The following CLNK variants were observed in gnomAD, a reference collection of about 807,000 sequenced individuals.
CLNK encodes the protein cytokine-dependent hematopoietic cell linker.
In CLNK, 74 loss-of-function variants were observed where a neutral mutation model predicts 68.6. The observed-to-expected ratio is 1.08, with a 90% CI of 0.89 to 1.31. CLNK has a LOEUF of 1.31. CLNK is among the 50% of genes most tolerant of loss of function. The probability of loss-of-function intolerance (pLI) is 0.00; values close to 1 mark genes in which losing one functional copy is unlikely to be tolerated. For missense variants in CLNK, 553 were observed against 515.3 expected (o/e 1.07, Z -0.71); for synonymous variants, 198 against 172.2 (o/e 1.15, Z -1.17).
the CLNK span, among the ~76,000 whole-genome samples, chr4:10,732,657 T>C: frequency 9.9e-5 from 15 of 152,034 alleles, no homozygotes; most frequent in African/African-American, 3.4e-4. Flanking sequence ...GAGGTGAGAA[T>C]TGATGAATTA....
chr4:10,728,266 A>G, the CLNK span, among the ~76,000 whole-genome samples: 5 of 152,220 alleles, frequency 3.3e-5, no homozygotes, highest in Admixed American at 3.3e-4. Flanking sequence ...TGTCTCCCCA[A>G]AAACAATATT....
At chr4:10,706,968 G>A in the CLNK span, among the ~76,000 whole-genome samples, 1 of 152,088 alleles carries the variant, frequency 6.6e-6, no homozygotes, top group African/African-American at 2.4e-5. Flanking sequence ...TTTTAGTACA[G>A]ACAGGGTTTC....
intron 4 of CLNK, among the ~76,000 whole-genome samples, chr4:10,579,418 G>C (rs1232634047): frequency 6.6e-6 from 1 of 151,894 alleles, no homozygotes; most frequent in Non-Finnish European, 1.5e-5. Context: ...GATAGAGATA[G>C]AAAAAAATAT....
chr4:10,508,058 A>G, intron 16 of CLNK, 22 bp from the exon 17 acceptor site: 1 of 1,582,824 alleles, frequency 6.3e-7, no homozygotes, highest in Non-Finnish European at 8.6e-7. Context: ...AATCAATGAT[A>G]AATATTTTAG....
chr4:10,615,614 G>A (rs1041335277), intron 2 of CLNK, among the ~76,000 whole-genome samples: 2 of 152,192 alleles, frequency 1.3e-5, no homozygotes, highest in Non-Finnish European at 2.9e-5. Context: ...ACCTGCTCCA[G>A]GTATAGACCC....
At chr4:10,531,861 T>G in intron 12 of CLNK, 1 of 467,026 alleles carries the variant, frequency 2.1e-6, no homozygotes, top group Non-Finnish European at 4.3e-6. Flanking sequence ...CAACTTTGGA[T>G]CTCATATTCC....
intron 2 of CLNK, among the ~76,000 whole-genome samples, chr4:10,643,239 T>C (rs903769300): frequency 1.3e-5 from 2 of 152,248 alleles, no homozygotes; most frequent in Non-Finnish European, 2.9e-5. Context: ...GAAGCTCATA[T>C]GACTTCACAC....
At chr4:10,586,558 C>T (rs192281019) in intron 3 of CLNK, among the ~76,000 whole-genome samples, 221 of 152,058 alleles carry the variant, frequency 1.5e-3, no homozygotes, top group Non-Finnish European at 1.9e-3. Flanking sequence ...CATGATCCAC[C>T]CACCTCGGCC....
chr4:10,491,327 C>A (rs1716563210), intron 18 of CLNK, among the ~76,000 whole-genome samples: 1 of 152,124 alleles, frequency 6.6e-6, no homozygotes, highest in African/African-American at 2.4e-5. Context: ...GCCTCCCAAA[C>A]CTCAACCTTA....
At chr4:10,642,147 T>C (rs1461812898) in intron 2 of CLNK, among the ~76,000 whole-genome samples, 1 of 152,160 alleles carries the variant, frequency 6.6e-6, no homozygotes, top group African/African-American at 2.4e-5. Flanking sequence ...AAGGCATAAA[T>C]CAAAGTAAAA....
chr4:10,722,816 G>A, the CLNK span, among the ~76,000 whole-genome samples: 1 of 152,186 alleles, frequency 6.6e-6, no homozygotes, highest in Admixed American at 6.5e-5. Context: ...TTGGGAGGCC[G>A]AGGCGGGTGG....
chr4:10,658,457 T>C (rs1209843672), intron 2 of CLNK, among the ~76,000 whole-genome samples: 1 of 152,224 alleles, frequency 6.6e-6, no homozygotes. Context: ...TTATCTCTCC[T>C]GGTTCTCAGC....
chr4:10,499,080 C>A (rs1716928147), intron 18 of CLNK, among the ~76,000 whole-genome samples: 2 of 150,714 alleles, frequency 1.3e-5, no homozygotes, highest in African/African-American at 4.9e-5. Context: ...CATTCCTTTC[C>A]TTATTTGGAA....
At chr4:10,656,364 G>T (rs1218794850) in intron 2 of CLNK, 3 of 147,884 alleles carry the variant, frequency 2.0e-5, no homozygotes, top group African/African-American at 7.4e-5. Flanking sequence ...CTTTTGCCTG[G>T]CAAAAGATTT....
chr4:10,611,185 GCA>G (rs1393147740), intron 2 of CLNK, among the ~76,000 whole-genome samples: 258 of 152,366 alleles, frequency 1.7e-3, no homozygotes, highest in Non-Finnish European at 2.1e-3. Context: ...GGGTGTGGTG[GCA>G]TGTGCCTGTA....
chr4:10,713,050 G>C, the CLNK span, among the ~76,000 whole-genome samples: 1 of 152,182 alleles, frequency 6.6e-6, no homozygotes, highest in Non-Finnish European at 1.5e-5. Flanking sequence ...GCAGATTTTA[G>C]AGACGCCTTC....
At chr4:10,591,804 G>C (rs1721188396) in intron 3 of CLNK, among the ~76,000 whole-genome samples, 1 of 152,242 alleles carries the variant, frequency 6.6e-6, no homozygotes. Context: ...GGTGGAATCA[G>C]GCCAAGGCTC....
intron 3 of CLNK, among the ~76,000 whole-genome samples, chr4:10,597,492 T>A (rs1448529050): frequency 6.6e-6 from 1 of 152,186 alleles, no homozygotes; most frequent in Non-Finnish European, 1.5e-5. Context: ...GTTGCTGCAT[T>A]TTCAGTAGTC....
the CLNK span, among the ~76,000 whole-genome samples, chr4:10,701,821 T>C: frequency 6.6e-6 from 1 of 152,122 alleles, no homozygotes; most frequent in South Asian, 2.1e-4. Context: ...GAAATCCAGG[T>C]AGACAGACTC....
Sources: gnomAD v4.1 joint callset for allele counts (sites outside exome capture counted in the v4.1 genomes callset) on GRCh38, gnomAD v4.1.1 for gene constraint, MANE v1.5 for transcripts, NCBI Gene and HGNC (gene_info 2026-07-23, HGNC 2026-07-21) for gene names.